Variants in FGFR2 observed in about 807,000 individuals in gnomAD.
FGFR2 encodes BEK fibroblast growth factor receptor.
A neutral mutation model predicts 95.9 loss-of-function variants in FGFR2; 19 were observed. That is an observed-to-expected ratio of 0.20 (90% CI 0.14 to 0.29). The LOEUF (loss-of-function observed/expected upper bound fraction) is 0.29. FGFR2 is among the 10% of genes least tolerant of loss of function. The pLI is 1.00. For synonymous variants in FGFR2, 392 were observed against 393.3 expected, an observed-to-expected ratio of 1.00 and a Z score of 0.04; for missense variants, 707 against 1,056.9, an observed-to-expected ratio of 0.67 and a Z score of 4.59.
In FGFR2 at chr10:121,501,025, A is replaced by C; in HGVS notation, c.1440-78T>G. The C allele has an allele frequency of 2.5e-6, 4 of 1,597,170 alleles. No homozygotes were observed. The South Asian group carries it at 4.4e-5, about 18-fold the overall frequency. On this transcript the variant is annotated intron_variant, in intron 10 of 17. Coordinates refer to ENST00000358487, the MANE Select transcript of FGFR2 (RefSeq NM_000141.5). ...GAGGGAAATTCCAGAACTAAATATA[A>C]AAATCTTTCAGCGGCTTACTAAAGC...
At position 121,518,313 on chromosome 10, in the gene FGFR2, T is replaced by C. The variant is rs1203861724; in HGVS notation, c.940-850A>G. Among the ~76,000 whole-genome samples the C allele has an allele frequency of 6.6e-6, 1 of 152,176 alleles. No individual in the cohort carries two copies. The highest frequency in any genetic ancestry group is 1.5e-5 in the Non-Finnish European group (1 of 68,036). On this transcript the variant is annotated intron_variant, in intron 7 of 17. Transcript: ENST00000358487. The surrounding 1 kb of genome is among the most constrained non-coding windows in gnomAD (Gnocchi z 4.0). ...AAACTTGAAGTAGAAGGAGACAAAC[T>C]CTGCTGATACTCAAATGCCCCGTAT... is the stretch of plus-strand genomic sequence containing the variant.
At chr10:121,551,815 C>T (rs1419689399) in intron 4 of FGFR2, among the ~76,000 whole-genome samples, 1 of 152,076 alleles carries the variant, frequency 6.6e-6, no homozygotes, top group African/African-American at 2.4e-5. Context: ...CTCAGTCCTC[C>T]AAAAATAGAT....
Position 121,485,629 on chromosome 10 carries a change from A to G in FGFR2, c.2058-97T>C. ...GACATAAACACCTCCTCACTTCTGA[A>G]GTTCAAAGACAAATGGGCCCTCCTG... On this transcript the variant is annotated intron_variant, in intron 15 of 17. Coordinates refer to ENST00000358487, the MANE Select transcript of FGFR2 (RefSeq NM_000141.5). The surrounding 1 kb of genome is among the most constrained non-coding windows in gnomAD (Gnocchi z 4.2). 1 of 1,550,952 alleles carries G rather than the reference A, an allele frequency of 6.4e-7. No individual in the cohort carries two copies. The highest frequency in any genetic ancestry group is 1.1e-5 in the South Asian group (1 of 88,148).
At chr10:121,547,186 T>G (rs1854646151) in intron 5 of FGFR2, among the ~76,000 whole-genome samples, 1 of 152,116 alleles carries the variant, frequency 6.6e-6, no homozygotes, top group Admixed American at 6.5e-5. Flanking sequence ...ATCATGCCAT[T>G]GCACTCCAGC....
chr10:121,586,824 T>C (rs1861897121), intron 2 of FGFR2, among the ~76,000 whole-genome samples: 2 of 152,216 alleles, frequency 1.3e-5, no homozygotes, highest in African/African-American at 4.8e-5. Context: ...AGTGTGACTT[T>C]TGTCTATTAC....
In FGFR2 at chr10:121,510,974, G is replaced by A. The variant is rs1352218973; in HGVS notation, c.1287+4143C>T. ...GCATCACCACACCCAGCTAATTTTTGTATTTTTTAGTGGAGATGGGGTTTC... is the reference window on the plus strand; with the variant it reads ...GCATCACCACACCCAGCTAATTTTTATATTTTTTAGTGGAGATGGGGTTTC... On this transcript the variant is annotated intron_variant, in intron 9 of 17. Coordinates refer to ENST00000358487, the MANE Select transcript of FGFR2 (RefSeq NM_000141.5). Among the ~76,000 whole-genome samples the A allele has an allele frequency of 2.0e-5, 3 of 151,684 alleles. No individual in the cohort carries two copies. The East Asian group carries it at 5.8e-4, about 29-fold the overall frequency.
At chr10:121,540,757 T>C (rs1474412025) in intron 5 of FGFR2, among the ~76,000 whole-genome samples, 1 of 152,164 alleles carries the variant, frequency 6.6e-6, no homozygotes, top group Non-Finnish European at 1.5e-5. Flanking sequence ...CTGTAAATAT[T>C]CAGTTCTTTG....
chr10:121,565,377 T>C, intron 3 of FGFR2, 61 bp downstream of exon 3: 1 of 1,607,754 alleles, frequency 6.2e-7, no homozygotes, highest in Admixed American at 1.7e-5. Context: ...CCTTTTCACT[T>C]GGCCAAAAAA....
chr10:121,592,879 C>T (rs905092733), intron 2 of FGFR2, among the ~76,000 whole-genome samples: 3 of 152,142 alleles, frequency 2.0e-5, no homozygotes, highest in African/African-American at 7.2e-5. Context: ...AAAAATAACT[C>T]AGCTACCAAT....
rs917739194 is a variant in FGFR2 at position 121,520,303 on chromosome 10, A to G, written c.749-134T>C. ...AAGCCTGCTGGCTGACACCTTTGAA[A>G]TAACACTGTGGCCCCATGAATAACA... is the stretch of plus-strand genomic sequence containing the variant. On this transcript the variant is annotated intron_variant, in intron 6 of 17. Transcript: ENST00000358487. 5 of 853,026 alleles carry G rather than the reference A, an allele frequency of 5.9e-6. No homozygotes were observed. In the African/African-American group the frequency reaches 8.5e-5, roughly 15 times the overall value. The allele number at this position is 853,026 out of a possible 1,614,324, so 52.8% of individuals were successfully genotyped here. A position where few individuals can be genotyped will look rare whatever the true frequency, so the allele number is the denominator to read the frequency against.
intron 2 of FGFR2, 46 bp from the exon 3 acceptor site, chr10:121,565,750 G>GGAGAGGA (rs777590081): frequency 6.2e-7 from 1 of 1,612,206 alleles, no homozygotes; most frequent in African/African-American, 1.3e-5. Context: ...TGGGAAGGAG[G>GGAGAGGA]GAGAGGAGAG....
At chr10:121,484,262 A>T (rs541824210) in intron 16 of FGFR2, among the ~76,000 whole-genome samples, 1 of 151,592 alleles carries the variant, frequency 6.6e-6, no homozygotes, top group Non-Finnish European at 1.5e-5. Flanking sequence ...TTCCTGAGTT[A>T]AAAAAAAATT....
Position 121,506,655 on chromosome 10 carries a change from C to T in FGFR2, c.1288-2714G>A, listed in dbSNP as rs541990626. On this transcript the variant is annotated intron_variant, in intron 9 of 17. Transcript: ENST00000358487. ...CCCTGAAAATCACCGCTCTCATCAG[C>T]GAGGCTCACAGAATAGGATGTGGGG... Among the ~76,000 whole-genome samples the T allele has an allele frequency of 1.6e-4, 24 of 152,234 alleles. No homozygotes were observed. In the South Asian group the frequency reaches 4.8e-3, roughly 30 times the overall value.
intron 4 of FGFR2, 117 bp downstream of exon 4, chr10:121,564,385 A>C (rs915374211): frequency 1.1e-6 from 1 of 932,060 alleles, no homozygotes; most frequent in Non-Finnish European, 1.8e-6. Flanking sequence ...CAGCGGGGAA[A>C]GGCAAGGGCC....
intron 9 of FGFR2, among the ~76,000 whole-genome samples, chr10:121,513,649 T>C (rs1849333963): frequency 6.6e-6 from 1 of 152,122 alleles, no homozygotes; most frequent in Non-Finnish European, 1.5e-5. Context: ...TGGCCTCATC[T>C]TTGCTTTCCT....
intron 4 of FGFR2, among the ~76,000 whole-genome samples, chr10:121,556,396 A>ACTCC (rs1491386420): frequency 2.3e-5 from 3 of 128,140 alleles, no homozygotes; most frequent in Non-Finnish European, 4.7e-5. Context: ...TTTATAATCT[A>ACTCC]CTCTCTCTCT....
At chr10:121,540,121 CA>C (rs1424237182) in intron 5 of FGFR2, among the ~76,000 whole-genome samples, 40 of 152,310 alleles carry the variant, frequency 2.6e-4, no homozygotes, top group African/African-American at 9.6e-4. Flanking sequence ...TCCTCCTTAA[CA>C]GAGTACAAGC....
chr10:121,593,097 C>A (rs41301569), intron 2 of FGFR2, among the ~76,000 whole-genome samples: 1 of 152,240 alleles, frequency 6.6e-6, no homozygotes, highest in Non-Finnish European at 1.5e-5. Flanking sequence ...GTTCTCGGAG[C>A]TGGAGGAGAT....
chr10:121,515,475 C>T (rs1022871604), intron 8 of FGFR2, among the ~76,000 whole-genome samples, 156 bp from the exon 9 acceptor site: 1 of 152,046 alleles, frequency 6.6e-6, no homozygotes, highest in African/African-American at 2.4e-5. Context: ...AAATGAATAA[C>T]CAGGGGTCCA....
Sources: gnomAD v4.1 joint callset for allele counts (sites outside exome capture counted in the v4.1 genomes callset) on GRCh38, gnomAD v4.1.1 for gene constraint, Gnocchi (gnomAD v3.1) non-coding constraint, MANE v1.5 for transcripts, NCBI Gene and HGNC (gene_info 2026-07-23, HGNC 2026-07-21) for gene names.